The following ACADL variants were observed in gnomAD, a reference collection of about 807,000 sequenced individuals.
ACADL encodes the protein acyl-CoA dehydrogenase long chain, also known as long-chain specific acyl-CoA dehydrogenase, mitochondrial.
In ACADL, 60 loss-of-function variants were observed where a neutral mutation model predicts 56.9. The observed-to-expected ratio is 1.05, with a 90% confidence interval of 0.86 to 1.31. The LOEUF is 1.31. Among genes scored for constraint, ACADL ranks in the 50% most tolerant of loss-of-function variants. The probability of loss-of-function intolerance (pLI) is 0.00; values close to 1 mark genes in which losing one functional copy is unlikely to be tolerated. For synonymous variants in ACADL, 158 were observed against 179.7 expected (o/e 0.88, Z 0.97); for missense variants, 484 against 525.5 (o/e 0.92, Z 0.77).
chr2:210,213,547 A>G (rs1409751459), intron 4 of ACADL, among the ~76,000 whole-genome samples: 1 of 152,142 alleles, frequency 6.6e-6, no homozygotes, highest in African/African-American at 2.4e-5. Flanking sequence ...AAATAAAGGT[A>G]ATGACATAGC....
intron 10 of ACADL, among the ~76,000 whole-genome samples, chr2:210,190,424 T>C (rs1366506357): frequency 1.3e-5 from 2 of 152,162 alleles, no homozygotes; most frequent in African/African-American, 4.8e-5. Flanking sequence ...GGGCTAGGCT[T>C]CTTTTTACAT....
At chr2:210,217,771 G>A (rs1021201406) in intron 3 of ACADL, 194 bp downstream of exon 3, 32 of 650,908 alleles carry the variant, frequency 4.9e-5, no homozygotes, top group Non-Finnish European at 3.8e-5. Flanking sequence ...AACTTAAAAG[G>A]ATTTTCTTAT....
In ACADL at chr2:210,225,255, T is replaced by C. The variant is rs374971035; in HGVS notation, c.9A>G (p.Ala3=). 2.7e-5 allele frequency: 42 copies of C among 1,557,126 alleles called. No homozygotes were observed. The African/African-American group carries it at 4.4e-4, about 16-fold the overall frequency. Residue 3 remains alanine, a synonymous_variant, in exon 1 of 11, where the codon GCA becomes GCG. Coordinates refer to ENST00000233710, the MANE Select transcript of ACADL (RefSeq NM_001608.4). ...CGCGTAGGGACCCTCGGAGAAGGCG[T>C]GCGGCCATGTCCGAAACACAGGGGC... MA[A]RLLRGSLRVL... is the part of the protein sequence containing the mutation.
intron 2 of ACADL, among the ~76,000 whole-genome samples, chr2:210,220,249 T>A (rs1342685234): frequency 6.6e-6 from 1 of 152,176 alleles, no homozygotes; most frequent in Non-Finnish European, 1.5e-5. Context: ...TAATAATTAG[T>A]TAATCAAGAA....
chr2:210,221,330 A>G (rs1475968067), intron 1 of ACADL, among the ~76,000 whole-genome samples: 1 of 152,152 alleles, frequency 6.6e-6, no homozygotes, highest in Non-Finnish European at 1.5e-5. Context: ...AATACCCATC[A>G]ATCTCTGATA....
At chr2:210,204,777 A>T in intron 6 of ACADL, 95 bp from the exon 7 acceptor site, 1 of 1,075,996 alleles carries the variant, frequency 9.3e-7, no homozygotes, top group Non-Finnish European at 1.4e-6. Context: ...TTCCAAAAAA[A>T]CAAAACACAA....
At chr2:210,220,880 A>G (rs1210383780) in intron 1 of ACADL, 78 bp from the exon 2 acceptor site, 1 of 1,152,670 alleles carries the variant, frequency 8.7e-7, no homozygotes, top group Non-Finnish European at 1.2e-6. Flanking sequence ...ACTGAACAAC[A>G]TGGATTTCTT....
At chr2:210,220,253 T>C (rs866216416) in intron 2 of ACADL, among the ~76,000 whole-genome samples, 2 of 152,262 alleles carry the variant, frequency 1.3e-5, no homozygotes, top group Middle Eastern at 3.4e-3. Flanking sequence ...AATTAGTTAA[T>C]CAAGAACTAT....
At chr2:210,213,597 A>G (rs547175785) in intron 4 of ACADL, among the ~76,000 whole-genome samples, 2 of 152,328 alleles carry the variant, frequency 1.3e-5, no homozygotes, top group East Asian at 3.9e-4. Context: ...AATGTTATAT[A>G]TGAAATATTA....
intron 1 of ACADL, chr2:210,224,976 G>C: frequency 7.2e-7 from 1 of 1,382,814 alleles, no homozygotes; most frequent in Non-Finnish European, 9.3e-7. Context: ...GGGGCGGCAC[G>C]GCTGACACCC....
rs747172833 is a variant in ACADL, at chr2:210,192,594, TCTTTA to T, written c.1199+205_1199+209del. ...AGGATCAAGCTTTTGTTTATTGGTC[TCTTTA>T]CTTTATTTAAGAAAAATAAAATCCT... On this transcript the variant is annotated intron_variant, in intron 10 of 10. Coordinates refer to ENST00000233710, the MANE Select transcript of ACADL (RefSeq NM_001608.4). Among the ~76,000 whole-genome samples, 19 of 152,348 alleles carry T rather than the reference TCTTTA, an allele frequency of 1.2e-4. 2 individuals are homozygous for T. The highest frequency in any genetic ancestry group is 1.0e-3 in the Admixed American group (16 of 15,302).
chr2:210,198,962 A>G (rs1294015218), intron 8 of ACADL, among the ~76,000 whole-genome samples: 2 of 152,178 alleles, frequency 1.3e-5, no homozygotes, highest in African/African-American at 4.8e-5. Context: ...TATTCTAAAA[A>G]GAAAATAAAT....
At chr2:210,196,036 G>A (rs1431187648) in intron 8 of ACADL, among the ~76,000 whole-genome samples, 1 of 152,072 alleles carries the variant, frequency 6.6e-6, no homozygotes, top group Non-Finnish European at 1.5e-5. Context: ...CACATGTTGT[G>A]GGAGGGACGT....
intron 6 of ACADL, among the ~76,000 whole-genome samples, chr2:210,205,424 A>G (rs568352457): frequency 1.4e-4 from 21 of 152,286 alleles, no homozygotes; most frequent in African/African-American, 2.6e-4. Context: ...CAGATATTCA[A>G]AATACCTTGA....
At position 210,218,005 on chromosome 2, in the gene ACADL, C is replaced by T. The variant is rs770193029; in HGVS notation, c.331G>A (p.Gly111Arg). 5.3e-5 allele frequency: 85 copies of T among 1,613,968 alleles called. 2 individuals carry two copies. In the South Asian group the frequency reaches 8.8e-4, roughly 17 times the overall value. ...ATAGCTGCGGAGTACAGATCCCCTC[C>T]AATTCCACCAAGATGCTCTGCAATA... ...VNIAEHLGGI[G>R]GDLYSAAIVW... Residue 111 changes from glycine (G) to arginine (R), a missense_variant, in exon 3 of 11, where the codon GGA becomes AGA. Transcript: ENST00000233710.
At chr2:210,218,868 C>A (rs1488876287) in intron 2 of ACADL, among the ~76,000 whole-genome samples, 8 of 152,160 alleles carry the variant, frequency 5.3e-5, no homozygotes, top group African/African-American at 9.7e-5. Flanking sequence ...AACAGGAGAG[C>A]AGAAGCACCT....
chr2:210,206,735 G>A (rs1169565444), intron 5 of ACADL, among the ~76,000 whole-genome samples: 1 of 151,942 alleles, frequency 6.6e-6, no homozygotes, highest in Non-Finnish European at 1.5e-5. Flanking sequence ...TCATTTTCAC[G>A]GCTTGAGTCA....
chr2:210,222,142 A>G (rs1689185498), intron 1 of ACADL, among the ~76,000 whole-genome samples: 1 of 152,198 alleles, frequency 6.6e-6, no homozygotes, highest in African/African-American at 2.4e-5. Context: ...GCACTGTTCT[A>G]GTAACTTGGG....
At chr2:210,213,753 C>T (rs983405107) in intron 4 of ACADL, among the ~76,000 whole-genome samples, 4 of 152,194 alleles carry the variant, frequency 2.6e-5, no homozygotes. Flanking sequence ...TGTCAGAACA[C>T]TCTGGCTCCA....
Sources: allele counts gnomAD v4.1 joint callset (sites outside exome capture counted in the v4.1 genomes callset), GRCh38; gene constraint gnomAD v4.1.1; transcripts MANE v1.5; gene names NCBI Gene and HGNC (gene_info 2026-07-23, HGNC 2026-07-21).